Variants in TNS1 observed in about 807,000 individuals in gnomAD.
The protein encoded by TNS1 is tensin-1.
TNS1 carries 62 observed loss-of-function variants against 168.6 expected under a neutral mutation model. That is an observed-to-expected ratio of 0.37 (90% CI 0.30 to 0.45). The LOEUF is 0.45. Ranked by LOEUF, TNS1 falls within the 20% of genes least tolerant of loss-of-function variation. The pLI is 1.00. For synonymous variants in TNS1, 934 were observed against 933.2 expected (o/e 1.00, Z -0.02); for missense variants, 2,240 against 2,339.4 (o/e 0.96, Z 0.88).
At chr2:217,817,416 C>T (rs747197760) in intron 24 of TNS1, among the ~76,000 whole-genome samples, 11 of 152,248 alleles carry the variant, frequency 7.2e-5, no homozygotes, top group Middle Eastern at 3.4e-3. Context: ...GCTATGAGGA[C>T]GATGATAATC....
intron 22 of TNS1, among the ~76,000 whole-genome samples, chr2:217,827,516 C>T (rs898309854): frequency 1.3e-5 from 2 of 152,216 alleles, no homozygotes; most frequent in African/African-American, 4.8e-5. Flanking sequence ...CCCCGCTCCA[C>T]TCCCCAGGCC....
chr2:217,973,367 G>GGA (rs1957817007), intron 3 of TNS1, among the ~76,000 whole-genome samples: 1 of 93,584 alleles, frequency 1.1e-5, no homozygotes, highest in East Asian at 3.1e-4. Flanking sequence ...TCCTGTCTCT[G>GGA]AAAAAAAAAA....
intron 4 of TNS1, among the ~76,000 whole-genome samples, chr2:217,910,631 G>A (rs3791925): frequency 2.0e-5 from 3 of 151,304 alleles, no homozygotes; most frequent in Non-Finnish European, 4.4e-5. Context: ...TGGCACTCCC[G>A]GGACCCTCTG....
chr2:218,002,743 A>AT (rs1231012843), intron 1 of TNS1, 97 bp downstream of exon 1: 2 of 454,082 alleles, frequency 4.4e-6, no homozygotes, highest in Non-Finnish European at 8.8e-6. Flanking sequence ...ACACCCCCCG[A>AT]CCCCGGGCTC....
chr2:217,828,478 A>G lies in TNS1; in HGVS notation c.3373+2977T>C, dbSNP rs149423428. Reference sequence around the variant, plus strand: ...GGTGGGAAGTCAGAACACCTAACCCATCAGAACTGGAAGTGATCACAGCAC... The same window carrying G: ...GGTGGGAAGTCAGAACACCTAACCCGTCAGAACTGGAAGTGATCACAGCAC... On this transcript the variant is annotated intron_variant, in intron 22 of 32. Transcript: ENST00000682258. 2.9e-3 allele frequency among the ~76,000 whole-genome samples: 438 copies of G among 152,350 alleles called. 5 individuals carry two copies. Among genetic ancestry groups the G allele is most frequent in the East Asian group, 0.01 (54 of 5,188 alleles).
At chr2:217,997,212 G>GA (rs1308256286) in intron 1 of TNS1, among the ~76,000 whole-genome samples, 3 of 152,116 alleles carry the variant, frequency 2.0e-5, no homozygotes, top group Non-Finnish European at 4.4e-5. Context: ...AAAAGCTTCG[G>GA]AAAAGATGAA....
intron 4 of TNS1, among the ~76,000 whole-genome samples, chr2:217,907,524 T>C (rs1285362728): frequency 6.6e-6 from 1 of 152,248 alleles, no homozygotes; most frequent in Non-Finnish European, 1.5e-5. Context: ...CTCTGGTTCA[T>C]ACAGTTGCTG....
chr2:217,852,903 G>C (rs1016149651), intron 18 of TNS1, among the ~76,000 whole-genome samples: 3 of 152,148 alleles, frequency 2.0e-5, no homozygotes, highest in Admixed American at 6.5e-5. Context: ...CAGCACCTTT[G>C]CTGAGTTGTC....
At chr2:217,814,668 C>A (rs1200641486) in intron 25 of TNS1, among the ~76,000 whole-genome samples, 2 of 152,280 alleles carry the variant, frequency 1.3e-5, no homozygotes, top group African/African-American at 2.4e-5. Flanking sequence ...TTTACTTTGC[C>A]CAGGAAAACC....
intron 3 of TNS1, among the ~76,000 whole-genome samples, chr2:217,974,477 T>A (rs1957843782): frequency 1.3e-5 from 2 of 152,174 alleles, no homozygotes; most frequent in African/African-American, 4.8e-5. Flanking sequence ...GCACTCCTAC[T>A]ATGGACTAGG....
chr2:217,991,820 A>G (rs111991751), intron 1 of TNS1, among the ~76,000 whole-genome samples: 2,522 of 151,098 alleles, frequency 0.017, 73 homozygotes, highest in African/African-American at 0.058. Flanking sequence ...GGCTTCTTCC[A>G]TCTTTATTTT....
intron 18 of TNS1, chr2:217,858,384 G>T: frequency 2.8e-6 from 1 of 360,798 alleles, no homozygotes; most frequent in Non-Finnish European, 3.9e-6. Context: ...GACAGAGCCT[G>T]CCCCTCCACA....
chr2:218,023,786 C>A (rs964346371), intron 1 of TNS1, among the ~76,000 whole-genome samples: 6 of 152,186 alleles, frequency 3.9e-5, no homozygotes, highest in Admixed American at 1.3e-4. Context: ...TGCTTTTCCC[C>A]CACCAGCCCT....
chr2:217,888,117 A>C (rs79137274), intron 12 of TNS1, among the ~76,000 whole-genome samples: 2,241 of 152,244 alleles, frequency 0.015, 45 homozygotes, highest in African/African-American at 0.05. Context: ...GCAGCACCCG[A>C]TCCTATTCAG....
chr2:217,902,328 A>G (rs1325211589), intron 6 of TNS1, among the ~76,000 whole-genome samples: 8 of 152,150 alleles, frequency 5.3e-5, no homozygotes, highest in Non-Finnish European at 5.9e-5. Flanking sequence ...GCTGATCCGT[A>G]GCCACTTTTG....
chr2:217,996,276 G>T (rs1405181715), intron 1 of TNS1, among the ~76,000 whole-genome samples: 1 of 152,192 alleles, frequency 6.6e-6, no homozygotes, highest in African/African-American at 2.4e-5. Flanking sequence ...CACAGGCCTA[G>T]GACAGACCTG....
chr2:217,936,493 G>T (rs1224248711), intron 3 of TNS1, among the ~76,000 whole-genome samples: 1 of 152,116 alleles, frequency 6.6e-6, no homozygotes, highest in African/African-American at 2.4e-5. Flanking sequence ...TCAGGGAGAT[G>T]AAGTGACTTG....
intron 3 of TNS1, chr2:217,937,088 C>G (rs1441986591): frequency 2.2e-6 from 1 of 450,692 alleles, no homozygotes; most frequent in Non-Finnish European, 4.5e-6. Context: ...CAAATGGTAC[C>G]TCTTCTCCAA....
intron 7 of TNS1, 41 bp downstream of exon 7, chr2:217,900,422 T>G (rs1476289104): frequency 1.2e-5 from 19 of 1,531,984 alleles, no homozygotes; most frequent in Non-Finnish European, 1.6e-5. Flanking sequence ...GTGACCCCCC[T>G]GCTTGCACTC....
Sources: allele counts gnomAD v4.1 joint callset (sites outside exome capture counted in the v4.1 genomes callset), GRCh38; gene constraint gnomAD v4.1.1; transcripts MANE v1.5; gene names NCBI Gene and HGNC (gene_info 2026-07-23, HGNC 2026-07-21).